POU2F2: variants seen among roughly 807,000 people sequenced by gnomAD.
The protein encoded by POU2F2 is POU domain, class 2, transcription factor 2.
Under a neutral mutation model 63.5 loss-of-function variants are expected in POU2F2, and 14 were observed. The ratio of observed to expected loss-of-function variants is 0.22; its 90% CI spans 0.15 to 0.34. The LOEUF (loss-of-function observed/expected upper bound fraction) is 0.34, where lower values mean the gene tolerates loss of function less well. Ranked by LOEUF, POU2F2 falls within the 10% of genes least tolerant of loss-of-function variation. The probability of loss-of-function intolerance (pLI) is 1.00; values close to 1 mark genes in which losing one functional copy is unlikely to be tolerated. For missense variants in POU2F2, 607 were observed against 815.2 expected (o/e 0.74, Z 3.11); for synonymous variants, 306 against 348.6 (o/e 0.88, Z 1.36).
intron 2 of POU2F2, among the ~76,000 whole-genome samples, chr19:42,151,539 T>C (rs1164760895): frequency 6.6e-6 from 1 of 152,082 alleles, no homozygotes; most frequent in Non-Finnish European, 1.5e-5. Context: ...ACCCTCTGGA[T>C]GGCCCTGCCT....
At chr19:42,178,722 A>G (rs1440873237), upstream of POU2F2, among the ~76,000 whole-genome samples, 1 of 152,246 alleles carries the variant, frequency 6.6e-6, no homozygotes, top group Non-Finnish European at 1.5e-5. Flanking sequence ...ACAGAAACAC[A>G]GAGAAATATA....
intron 2 of POU2F2, among the ~76,000 whole-genome samples, chr19:42,142,101 T>C (rs1238772743): frequency 6.6e-6 from 1 of 152,232 alleles, no homozygotes; most frequent in African/African-American, 2.4e-5. Flanking sequence ...AACTGTATCT[T>C]TTCTATGGGC....
chr19:42,133,873 C>A (rs1600174976), upstream of POU2F2, among the ~76,000 whole-genome samples: 2 of 152,280 alleles, frequency 1.3e-5, no homozygotes, highest in Admixed American at 6.5e-5. This position sits in a 1 kb window ranked among gnomAD's most constrained non-coding sequence, Gnocchi z 5.1. Context: ...TACAGGAGTG[C>A]CCTCCCCTGA....
Position 42,099,789 on chromosome 19 carries a change from C to T in POU2F2, c.402G>A (p.Leu134=). 1 of 1,581,404 alleles carries T rather than the reference C, an allele frequency of 6.3e-7. No homozygotes were observed. The highest frequency in any genetic ancestry group is 8.6e-7 in the Non-Finnish European group (1 of 1,162,372). The change falls in exon 6 of 15, where the codon CTG becomes CTA. Residue 134 remains leucine (L), a synonymous_variant. Coordinates refer to ENST00000692977, the MANE Select transcript of POU2F2 (RefSeq NM_001394376.1). ...GGAGGTGGTGGCCTGGCACAAGCAC[C>T]AGCTGCTGGAGCTGGAGGAGCTGCT... ...DIQQLLQLQQ[L]VLVPGHHLQP... is the part of the protein sequence containing the mutation.
intron 5 of POU2F2, among the ~76,000 whole-genome samples, chr19:42,116,175 C>A (rs905430079): frequency 6.6e-6 from 1 of 152,152 alleles, no homozygotes; most frequent in Non-Finnish European, 1.5e-5. Context: ...ACTGAGACAG[C>A]CACTAATTCA....
chr19:42,122,548 G>T lies in POU2F2; in HGVS notation c.57C>A (p.Ala19=), dbSNP rs145518520. ...ATGGGGAGTCCAGACCTTGCTTCTC[G>T]GCCTCCAGGGGCTTAGACATTCTTA... ...PEIRMSKPLE[A]EKQGLDSPSE... is the part of the protein sequence containing the mutation. Residue 19 remains alanine (A), a synonymous_variant, in exon 2 of 15, where the codon GCC becomes GCA. Transcript: ENST00000692977. The T allele has an allele frequency of 6.2e-7, 1 of 1,601,098 alleles. No homozygotes were observed. Among genetic ancestry groups the T allele is most frequent in the South Asian group, 1.1e-5 (1 of 89,642 alleles).
intron 1 of POU2F2, 35 bp downstream of exon 1, chr19:42,132,349 C>A: frequency 6.3e-7 from 1 of 1,583,540 alleles, no homozygotes; most frequent in East Asian, 2.5e-5. Flanking sequence ...TGCTGCCTGT[C>A]CTCTGAGCAG....
chr19:42,158,970 C>G (rs2034505986), intron 2 of POU2F2, among the ~76,000 whole-genome samples: 1 of 152,184 alleles, frequency 6.6e-6, no homozygotes, highest in African/African-American at 2.4e-5. Flanking sequence ...AACAAACACT[C>G]TCAGCGATAA....
chr19:42,139,353 A>G (rs10406828), intron 2 of POU2F2, among the ~76,000 whole-genome samples: 1 of 152,140 alleles, frequency 6.6e-6, no homozygotes, highest in Non-Finnish European at 1.5e-5. Context: ...AAGACCAACC[A>G]GTCCCTGTTC....
chr19:42,162,263 A>G lies in POU2F2; in HGVS notation c.-69-1871T>C, dbSNP rs557319455. Reference sequence around the variant, plus strand: ...CCTGGCATATCTGCTTCCAACTCTCATCCCATCTCCCGGGTTCCCAAACCC... The same window carrying G: ...CCTGGCATATCTGCTTCCAACTCTCGTCCCATCTCCCGGGTTCCCAAACCC... On this transcript the variant is annotated intron_variant, in intron 1 of 6. Transcript: ENST00000524801. This position sits in a 1 kb window ranked among gnomAD's most constrained non-coding sequence, Gnocchi z 4.1. 7.9e-5 allele frequency among the ~76,000 whole-genome samples: 12 copies of G among 152,034 alleles called. No individual in the cohort carries two copies. The highest frequency in any genetic ancestry group is 2.9e-4 in the African/African-American group (12 of 41,464).
intron 2 of POU2F2, among the ~76,000 whole-genome samples, chr19:42,158,141 G>A (rs374333059): frequency 6.6e-5 from 10 of 152,168 alleles, no homozygotes; most frequent in East Asian, 3.8e-4. Flanking sequence ...TCAGGAGGCC[G>A]AACTTTTTCT....
At chr19:42,168,511 T>C (rs2034696162) in intron 1 of POU2F2, among the ~76,000 whole-genome samples, 2 of 152,218 alleles carry the variant, frequency 1.3e-5, no homozygotes. Flanking sequence ...TAGACAGTCT[T>C]CTGCCTTCTT....
At chr19:42,195,156 AAAG>A (rs1384748841) in intron 1 of POU2F2, among the ~76,000 whole-genome samples, 1 of 137,238 alleles carries the variant, frequency 7.3e-6, no homozygotes, top group African/African-American at 2.7e-5. Flanking sequence ...GGAGGGAGGG[AAAG>A]AAGGGAGGGG....
At chr19:42,146,376 C>A (rs776742278) in intron 2 of POU2F2, among the ~76,000 whole-genome samples, 1 of 152,232 alleles carries the variant, frequency 6.6e-6, no homozygotes, top group Non-Finnish European at 1.5e-5. Flanking sequence ...GCTTTGCTGT[C>A]TGAGACATCC....
At chr19:42,119,543 C>T (rs1259460310) in intron 4 of POU2F2, among the ~76,000 whole-genome samples, 1 of 152,144 alleles carries the variant, frequency 6.6e-6, no homozygotes, top group African/African-American at 2.4e-5. Flanking sequence ...CATGGTGGCA[C>T]ACACCTGTAA....
chr19:42,148,068 GC>G (rs1160371781), intron 2 of POU2F2, among the ~76,000 whole-genome samples: 1 of 151,276 alleles, frequency 6.6e-6, no homozygotes, highest in Non-Finnish European at 1.5e-5. Context: ...CTGATCTCTT[GC>G]CCCCCTCTTC....
At position 42,117,400 on chromosome 19, in the gene POU2F2, G is replaced by A. The variant is rs763152559; in HGVS notation, c.219C>T (p.Phe73=). 6.9e-7 allele frequency: 1 copy of A among 1,456,258 alleles called. No individual in the cohort carries two copies. Among genetic ancestry groups the A allele is most frequent in the Non-Finnish European group, 9.3e-7 (1 of 1,071,792 alleles). The allele number at this position is 1,456,258 out of a possible 1,614,324, so 90.2% of individuals were successfully genotyped here. A position where few individuals can be genotyped will look rare whatever the true frequency, so the allele number is the denominator to read the frequency against. The change falls in exon 5 of 15, where the codon TTC becomes TTT. Residue 73 remains phenylalanine, a synonymous_variant. Coordinates refer to ENST00000692977, the MANE Select transcript of POU2F2 (RefSeq NM_001394376.1). The surrounding 1 kb of genome is among the most constrained non-coding windows in gnomAD (Gnocchi z 4.4). ...GAGAGAGGCAGGGTCCGGGACCCCA[G>A]AATGTTAAGTGGAGGCCAGAGAGAA... The part of the protein sequence containing the change: ...VGILSGLHLT[F]WGPGPCLSPP...
upstream of POU2F2, among the ~76,000 whole-genome samples, chr19:42,180,120 C>T (rs1258115859): frequency 6.6e-6 from 1 of 152,094 alleles, no homozygotes; most frequent in Non-Finnish European, 1.5e-5. Context: ...CACGGAACCA[C>T]CCCATAGCCA....
chr19:42,130,041 C>T (rs575246653), intron 1 of POU2F2, among the ~76,000 whole-genome samples: 81 of 152,146 alleles, frequency 5.3e-4, no homozygotes, highest in Admixed American at 1.8e-3. Context: ...AAAACACACA[C>T]CCAAACGTGC....
Sources: gnomAD v4.1 joint callset for allele counts (sites outside exome capture counted in the v4.1 genomes callset) on GRCh38, gnomAD v4.1.1 for gene constraint, Gnocchi (gnomAD v3.1) non-coding constraint, MANE v1.5 for transcripts, NCBI Gene and HGNC (gene_info 2026-07-23, HGNC 2026-07-21) for gene names.